DNM2: variants seen among roughly 807,000 people sequenced by gnomAD.
The protein encoded by DNM2 is dynamin-2.
Under a neutral mutation model 99.0 loss-of-function variants are expected in DNM2, and 15 were observed. That is an observed-to-expected ratio of 0.15 (90% CI 0.10 to 0.23). The LOEUF is 0.23. Among genes scored for constraint, DNM2 ranks in the 10% least tolerant of loss-of-function variants. The pLI, the probability that DNM2 is intolerant of heterozygous loss-of-function variation, is 1.00. For synonymous variants in DNM2, 525 were observed against 481.2 expected (o/e 1.09, Z -1.19); for missense variants, 742 against 1,189.4 (o/e 0.62, Z 5.53).
Position 10,775,705 on chromosome 19 carries a change from T to A in DNM2, c.388T>A (p.Leu130Met). ...INLRVYSPHVLNLTLIDLPGI... is the reference protein window; with the variant it reads ...INLRVYSPHVMNLTLIDLPGI... ...TTTCCTTCTGGTTTCCCTCCCAGTG[T>A]TGAACTTGACCCTCATCGACCTCCC... The change falls in exon 4 of 21, where the codon TTG (leucine) becomes ATG (methionine). Residue 130 changes from leucine to methionine, a missense_variant and splice_region_variant. Coordinates refer to ENST00000389253, the MANE Select transcript of DNM2 (RefSeq NM_001005361.3). The surrounding 1 kb of genome is among the most constrained non-coding windows in gnomAD (Gnocchi z 4.3). 6.2e-7 allele frequency: 1 copy of A among 1,614,146 alleles called. No homozygotes were observed. The highest frequency in any genetic ancestry group is 2.2e-5 in the East Asian group (1 of 44,870).
At chr19:10,724,836 C>T (rs2069060261) in intron 1 of DNM2, among the ~76,000 whole-genome samples, 1 of 152,196 alleles carries the variant, frequency 6.6e-6, no homozygotes, top group Admixed American at 6.6e-5. Flanking sequence ...GCGCCCCGTG[C>T]CATTTTTCTT....
At chr19:10,722,772 C>T (rs1036747820) in intron 1 of DNM2, among the ~76,000 whole-genome samples, 18 of 151,936 alleles carry the variant, frequency 1.2e-4, no homozygotes, top group Admixed American at 1.1e-3. Flanking sequence ...GGACTACAGG[C>T]ACGTGCCACC....
At chr19:10,822,504 T>G (rs1328722271) in intron 16 of DNM2, among the ~76,000 whole-genome samples, 1 of 151,894 alleles carries the variant, frequency 6.6e-6, no homozygotes, top group Admixed American at 6.6e-5. Context: ...ACAAAAATTT[T>G]TTTGTTTTGT....
intron 15 of DNM2, among the ~76,000 whole-genome samples, chr19:10,815,081 A>G (rs1417242965): frequency 1.3e-5 from 2 of 152,212 alleles, no homozygotes; most frequent in Non-Finnish European, 2.9e-5. Context: ...GAAGGCTCTT[A>G]AAGAGATGAA....
In DNM2 at chr19:10,775,627, A is replaced by C; in HGVS notation, c.386-76A>C. On this transcript the variant is annotated intron_variant, in intron 3 of 20. Transcript: ENST00000389253. This position sits in a 1 kb window ranked among gnomAD's most constrained non-coding sequence, Gnocchi z 4.3. ...GCCCCGCGCAGGAACTTTGGTAGTC[A>C]GCTGGGTGGCTGCGGGCCTGTTTGT... The C allele has an allele frequency of 6.4e-7, 1 of 1,550,798 alleles. No individual in the cohort carries two copies. The highest frequency in any genetic ancestry group is 8.9e-7 in the Non-Finnish European group (1 of 1,123,926).
rs570127344 is a variant in DNM2, at chr19:10,827,241, T to G, written c.2059-1795T>G. Among the ~76,000 whole-genome samples, 98 of 152,264 alleles carry G rather than the reference T, an allele frequency of 6.4e-4. 1 individual carries two copies. The South Asian group carries it at 0.014, about 21-fold the overall frequency. Reference sequence around the variant, plus strand: ...ATATACGGTTCTTCTGCTATGAAATTTAAAATGCATATATCCTTTGACCCT... The same window carrying G: ...ATATACGGTTCTTCTGCTATGAAATGTAAAATGCATATATCCTTTGACCCT... On this transcript the variant is annotated intron_variant, in intron 18 of 20. Coordinates refer to ENST00000389253, the MANE Select transcript of DNM2 (RefSeq NM_001005361.3).
At position 10,823,778 on chromosome 19, in the gene DNM2, C is replaced by T; in HGVS notation, c.1782-10C>T. 6.2e-7 allele frequency: 1 copy of T among 1,613,102 alleles called. No homozygotes were observed. The highest frequency in any genetic ancestry group is 1.3e-5 in the African/African-American group (1 of 75,012). ...CAAGCTTGTGCCCCTCCTTCCCCAC[C>T]CCCCCGCAGAAACGTCTACAAGGAC... On this transcript the variant is annotated splice_polypyrimidine_tract_variant and intron_variant, in intron 16 of 20. Transcript: ENST00000389253.
chr19:10,759,664 A>AC, intron 1 of DNM2, 74 bp from the exon 2 acceptor site: 1 of 1,587,118 alleles, frequency 6.3e-7, no homozygotes, highest in Non-Finnish European at 8.7e-7. Context: ...GAGTTGCTCC[A>AC]CCACATGTGG....
chr19:10,772,620 C>T lies in DNM2; in HGVS notation c.377C>T (p.Ser126Leu), dbSNP rs1417600848. The T allele has an allele frequency of 6.2e-7, 1 of 1,614,168 alleles. No homozygotes were observed. Among genetic ancestry groups the T allele is most frequent in the Non-Finnish European group, 8.5e-7 (1 of 1,180,036 alleles). The change falls in exon 3 of 21, where the codon TCG becomes TTG. Residue 126 changes from serine (S) to leucine (L), a missense_variant. This residue lies in a region of DNM2 where 192 missense variants were observed against 358.9 expected (regional missense o/e 0.54). Coordinates refer to ENST00000389253, the MANE Select transcript of DNM2 (RefSeq NM_001005361.3). The surrounding 1 kb of genome is among the most constrained non-coding windows in gnomAD (Gnocchi z 4.9). ...SPVPINLRVYSPHVLNLTLID... is the reference protein window; with the variant it reads ...SPVPINLRVYLPHVLNLTLID... The stretch of plus-strand genomic sequence containing the variant: ...GTGCCCATCAACCTTCGAGTCTACT[C>T]GCCACACGGTAGGCAGCACGGGTGG...
chr19:10,736,387 T>C (rs1015997745), intron 1 of DNM2, among the ~76,000 whole-genome samples: 2 of 152,208 alleles, frequency 1.3e-5, no homozygotes, highest in African/African-American at 4.8e-5. Flanking sequence ...GCTGGCATTA[T>C]GGGCGTGAGC....
intron 1 of DNM2, among the ~76,000 whole-genome samples, chr19:10,758,709 G>A (rs904050286): frequency 1.3e-5 from 2 of 151,460 alleles, no homozygotes; most frequent in African/African-American, 4.9e-5. Flanking sequence ...ACCACACTTG[G>A]ATAATTTTTG....
intron 2 of DNM2, chr19:10,768,882 A>C (rs2070886242): frequency 6.6e-6 from 1 of 151,830 alleles, no homozygotes; most frequent in Non-Finnish European, 1.5e-5. Context: ...TCTATATTAG[A>C]TTTCTTCTCA....
chr19:10,823,961 G>T (rs1354763921), intron 17 of DNM2, 62 bp downstream of exon 17: 6 of 1,539,160 alleles, frequency 3.9e-6, no homozygotes, highest in Non-Finnish European at 5.4e-6. Flanking sequence ...AGCAGGGCTG[G>T]CTTTCCCCAG....
intron 18 of DNM2, among the ~76,000 whole-genome samples, chr19:10,825,989 C>T (rs866514838): frequency 4.7e-5 from 7 of 147,830 alleles, no homozygotes; most frequent in Non-Finnish European, 6.0e-5. Context: ...GAGCTATGAT[C>T]ATGCCACTGC....
At position 10,757,733 on chromosome 19, in the gene DNM2, T is replaced by C. The variant is rs141879149; in HGVS notation, c.162-2005T>C. On this transcript the variant is annotated intron_variant, in intron 1 of 20. Coordinates refer to ENST00000389253, the MANE Select transcript of DNM2 (RefSeq NM_001005361.3). ...GCCAAGGCGGGCAGATCACCTGAGG[T>C]TGAGTTCGAGACCACTCTGGCCAAC... Among the ~76,000 whole-genome samples the C allele has an allele frequency of 3.4e-3, 519 of 152,032 alleles. 1 individual carries two copies. Among genetic ancestry groups the C allele is most frequent in the Non-Finnish European group, 5.8e-3 (392 of 67,954 alleles).
intron 14 of DNM2, chr19:10,808,852 A>G (rs2072444904): frequency 6.6e-6 from 3 of 451,910 alleles, no homozygotes. Context: ...CCTGTAGGTC[A>G]GGGATGGCAA....
chr19:10,782,592 T>G (rs1030988661), intron 5 of DNM2, among the ~76,000 whole-genome samples: 6 of 148,276 alleles, frequency 4.0e-5, no homozygotes, highest in Non-Finnish European at 8.9e-5. Context: ...GCTCCTTACC[T>G]TGTGATCTAC....
At chr19:10,732,557 G>A (rs537720853) in intron 1 of DNM2, among the ~76,000 whole-genome samples, 53 of 151,652 alleles carry the variant, frequency 3.5e-4, no homozygotes, top group Non-Finnish European at 6.0e-4. Context: ...CCGAGATCGC[G>A]CCACTGCACT....
In DNM2 at chr19:10,816,696, C is replaced by T. The variant is rs2146135118; in HGVS notation, c.1672-3284C>T. Among the ~76,000 whole-genome samples the T allele has an allele frequency of 6.6e-6, 1 of 152,308 alleles. No homozygotes were observed. Among genetic ancestry groups the T allele is most frequent in the East Asian group, 1.9e-4 (1 of 5,172 alleles). The stretch of plus-strand genomic sequence containing the variant: ...TGGTGCCCTGCCTTTCAGTTCAGGG[C>T]TGTGGGGACCTTCCAGGGTCCCCTG... On this transcript the variant is annotated intron_variant, in intron 15 of 20. Coordinates refer to ENST00000389253, the MANE Select transcript of DNM2 (RefSeq NM_001005361.3). The surrounding 1 kb of genome is among the most constrained non-coding windows in gnomAD (Gnocchi z 4.6).
Sources: allele counts gnomAD v4.1 joint callset (sites outside exome capture counted in the v4.1 genomes callset), GRCh38; gene constraint gnomAD v4.1.1; regional missense constraint gnomAD v4.1.1; non-coding constraint Gnocchi (gnomAD v3.1); transcripts MANE v1.5; gene names NCBI Gene and HGNC (gene_info 2026-07-23, HGNC 2026-07-21).